Variants in LIN28B observed in about 807,000 individuals in gnomAD.
The protein encoded by LIN28B is protein lin-28 homolog B.
Under a neutral mutation model 21.9 loss-of-function variants are expected in LIN28B, and 5 were observed. The observed-to-expected ratio is 0.23, with a 90% confidence interval of 0.12 to 0.48. LIN28B has a LOEUF of 0.48. LIN28B is among the 20% of genes least tolerant of loss of function. LIN28B has a pLI of 0.98. For synonymous variants in LIN28B, 109 were observed against 111.3 expected, an observed-to-expected ratio of 0.98 and a Z score of 0.13; for missense variants, 245 against 310.5, an observed-to-expected ratio of 0.79 and a Z score of 1.58.
At chr6:104,956,496 A>T (rs569682906), upstream of LIN28B, among the ~76,000 whole-genome samples, 1 of 152,308 alleles carries the variant, frequency 6.6e-6, no homozygotes, top group Non-Finnish European at 1.5e-5. Context: ...TTTTATTTTA[A>T]ATTTGAAAAA....
At chr6:104,997,860 G>T (rs775464597) in intron 2 of LIN28B, among the ~76,000 whole-genome samples, 1 of 152,104 alleles carries the variant, frequency 6.6e-6, no homozygotes, top group Non-Finnish European at 1.5e-5. Context: ...AGCAGCAGTA[G>T]CCTTTTTTCC....
At chr6:104,954,897 T>G (rs1053697309), upstream of LIN28B, among the ~76,000 whole-genome samples, 8 of 152,222 alleles carry the variant, frequency 5.3e-5, no homozygotes, top group African/African-American at 1.9e-4. Context: ...TTATTATGCT[T>G]CTGGTTTTAT....
intron 2 of LIN28B, among the ~76,000 whole-genome samples, chr6:104,998,741 C>T (rs1770663136): frequency 6.6e-6 from 1 of 151,942 alleles, no homozygotes. Flanking sequence ...TTAATGTCAT[C>T]AAGACAGTTT....
intron 2 of LIN28B, among the ~76,000 whole-genome samples, chr6:105,002,000 A>C (rs1344159107): frequency 2.6e-5 from 4 of 152,174 alleles, no homozygotes; most frequent in African/African-American, 7.2e-5. Context: ...TAAAAACTGC[A>C]TTATGGTGAA....
At chr6:105,008,674 A>G (rs999724425) in intron 2 of LIN28B, among the ~76,000 whole-genome samples, 1 of 152,002 alleles carries the variant, frequency 6.6e-6, no homozygotes, top group African/African-American at 2.4e-5. Context: ...TACCAATATC[A>G]AGTAACATAA....
intron 2 of LIN28B, among the ~76,000 whole-genome samples, chr6:105,011,613 G>A (rs1032415689): frequency 7.9e-5 from 12 of 152,184 alleles, no homozygotes; most frequent in Non-Finnish European, 1.8e-4. Flanking sequence ...CCTTTGGGAG[G>A]CCGAGGCAGG....
At chr6:105,069,596 T>A (rs1772291876) in intron 3 of LIN28B, among the ~76,000 whole-genome samples, 1 of 151,764 alleles carries the variant, frequency 6.6e-6, no homozygotes, top group African/African-American at 2.4e-5. Context: ...CCAAGCATGT[T>A]GGCACACACC....
chr6:104,959,673 T>A (rs898881473), intron 2 of LIN28B, among the ~76,000 whole-genome samples: 2 of 152,240 alleles, frequency 1.3e-5, no homozygotes, highest in Non-Finnish European at 2.9e-5. Context: ...ACTACTGGAT[T>A]TTATGCTTCC....
chr6:104,980,658 C>T (rs1413461847), intron 2 of LIN28B, among the ~76,000 whole-genome samples: 1 of 152,070 alleles, frequency 6.6e-6, no homozygotes, highest in Non-Finnish European at 1.5e-5. Flanking sequence ...GCCTTTATGC[C>T]TTTTGTAAAT....
At chr6:104,957,640 C>G (rs1446865211) in intron 1 of LIN28B, among the ~76,000 whole-genome samples, 2 of 152,078 alleles carry the variant, frequency 1.3e-5, no homozygotes, top group East Asian at 1.9e-4. Context: ...GCAAATAACG[C>G]TGGATTCAGT....
At chr6:105,003,063 A>G (rs969734337) in intron 2 of LIN28B, among the ~76,000 whole-genome samples, 2 of 152,212 alleles carry the variant, frequency 1.3e-5, no homozygotes, top group Non-Finnish European at 2.9e-5. Context: ...TTTAAATGAA[A>G]TAATTTTTAA....
chr6:105,004,872 A>G (rs535545838), intron 2 of LIN28B, among the ~76,000 whole-genome samples: 28 of 152,152 alleles, frequency 1.8e-4, no homozygotes, highest in Non-Finnish European at 2.9e-4. Flanking sequence ...GCTCCAGTCC[A>G]GACTCTGTTG....
chr6:104,967,885 G>A (rs1048527698), intron 2 of LIN28B, among the ~76,000 whole-genome samples: 1 of 152,008 alleles, frequency 6.6e-6, no homozygotes, highest in Non-Finnish European at 1.5e-5. Flanking sequence ...TTTTTGTAGA[G>A]ACAGAATCTT....
upstream of LIN28B, among the ~76,000 whole-genome samples, chr6:104,956,724 C>A (rs571819628): frequency 6.6e-6 from 1 of 152,204 alleles, no homozygotes; most frequent in East Asian, 1.9e-4. Flanking sequence ...GCGTTAACAT[C>A]GGTTGTTTTA....
chr6:105,037,927 A>G (rs6911164), intron 3 of LIN28B, among the ~76,000 whole-genome samples: 8,849 of 152,102 alleles, frequency 0.058, 854 homozygotes, highest in African/African-American at 0.2. Context: ...AAAATTGTCT[A>G]TCTGTAGAGA....
chr6:104,985,529 A>G (rs931098381), intron 2 of LIN28B, among the ~76,000 whole-genome samples: 8 of 152,218 alleles, frequency 5.3e-5, no homozygotes, highest in Admixed American at 4.6e-4. Flanking sequence ...TACAGTTTTT[A>G]TATATTTGTT....
In LIN28B at chr6:104,989,667, C is replaced by T. The variant is rs1017546054; in HGVS notation, c.198+31381C>T. Among the ~76,000 whole-genome samples, 7 of 122,364 alleles carry T rather than the reference C, an allele frequency of 5.7e-5. No homozygotes were observed. In the South Asian group the frequency reaches 8.9e-4, roughly 16 times the overall value. 80.3% of individuals were successfully genotyped at this position (122,364 alleles called of 152,430 possible). A position where few individuals can be genotyped will look rare whatever the true frequency, so the allele number is the denominator to read the frequency against. ...AGAGTGCAGTGGCATGATCTAGGCT[C>T]GCTGCAGCCTCTGCCTCGCAGTCTC... On this transcript the variant is annotated intron_variant, in intron 2 of 3. Coordinates refer to ENST00000345080, the MANE Select transcript of LIN28B (RefSeq NM_001004317.4).
intron 2 of LIN28B, among the ~76,000 whole-genome samples, chr6:105,011,441 C>T (rs1770920365): frequency 6.6e-6 from 1 of 152,170 alleles, no homozygotes; most frequent in African/African-American, 2.4e-5. Flanking sequence ...CTGCCTACCT[C>T]AGCTTCCCAA....
upstream of LIN28B, among the ~76,000 whole-genome samples, chr6:104,954,880 A>T (rs896529783): frequency 6.6e-6 from 1 of 152,186 alleles, no homozygotes; most frequent in Non-Finnish European, 1.5e-5. Context: ...TTCTGAATCT[A>T]CCTACATTAT....
Sources: allele counts gnomAD v4.1 joint callset (sites outside exome capture counted in the v4.1 genomes callset), GRCh38; gene constraint gnomAD v4.1.1; transcripts MANE v1.5; gene names NCBI Gene and HGNC (gene_info 2026-07-23, HGNC 2026-07-21).